ENTREP2: variants seen among roughly 807,000 people sequenced by gnomAD.
The protein encoded by ENTREP2 is endosomal transmembrane epsin interactor 2.
At chr15:29,552,073 C>G in the ENTREP2 span, among the ~76,000 whole-genome samples, 6 of 152,144 alleles carry the variant, frequency 3.9e-5, no homozygotes, top group Non-Finnish European at 7.4e-5. Flanking sequence ...CTAAATTGGA[C>G]AGCATGGAGT....
At chr15:29,383,501 G>C in the ENTREP2 span, among the ~76,000 whole-genome samples, 2 of 152,210 alleles carry the variant, frequency 1.3e-5, no homozygotes, top group Non-Finnish European at 2.9e-5. Flanking sequence ...CAGGTCTCCT[G>C]TGAAGACAAA....
At chr15:29,273,522 G>A in the ENTREP2 span, among the ~76,000 whole-genome samples, 5 of 152,204 alleles carry the variant, frequency 3.3e-5, no homozygotes, top group South Asian at 4.1e-4. Context: ...TCATAGGTTC[G>A]TGTGATGATT....
At chr15:29,279,598 C>T in the ENTREP2 span, among the ~76,000 whole-genome samples, 104 of 152,122 alleles carry the variant, frequency 6.8e-4, no homozygotes, top group Middle Eastern at 3.4e-3. Context: ...CTCTTGACCT[C>T]GTGATCCGCC....
the ENTREP2 span, among the ~76,000 whole-genome samples, chr15:29,653,685 T>C: frequency 6.6e-6 from 1 of 152,240 alleles, no homozygotes; most frequent in Non-Finnish European, 1.5e-5. Flanking sequence ...CCAGCCATGC[T>C]GAACTGTGAG....
At chr15:29,264,123 A>ACAGCCTGG in the ENTREP2 span, among the ~76,000 whole-genome samples, 74,255 of 139,138 alleles carry the variant, frequency 0.53, 20,635 homozygotes, top group South Asian at 0.63. Flanking sequence ...CCAATCCACT[A>ACAGCCTGG]CAGCCTGGGC....
chr15:29,448,402 C>T, the ENTREP2 span, among the ~76,000 whole-genome samples: 1 of 152,212 alleles, frequency 6.6e-6, no homozygotes. Context: ...CTGGAATTCA[C>T]CTACTTCCAG....
At chr15:29,371,072 C>T in the ENTREP2 span, among the ~76,000 whole-genome samples, 1 of 152,066 alleles carries the variant, frequency 6.6e-6, no homozygotes, top group Admixed American at 6.5e-5. Context: ...ATCATTTGCC[C>T]AGGACAGGCA....
At chr15:29,604,006 A>G in the ENTREP2 span, among the ~76,000 whole-genome samples, 1 of 152,184 alleles carries the variant, frequency 6.6e-6, no homozygotes, top group Non-Finnish European at 1.5e-5. Flanking sequence ...TATATGGTAG[A>G]TTTCTCACCA....
chr15:29,159,405 C>G, the ENTREP2 span, among the ~76,000 whole-genome samples: 2 of 152,110 alleles, frequency 1.3e-5, no homozygotes, highest in African/African-American at 4.8e-5. Context: ...TTGCAAACAG[C>G]ATAATAACAA....
chr15:29,140,624 C>A, the ENTREP2 span, among the ~76,000 whole-genome samples: 1 of 152,328 alleles, frequency 6.6e-6, no homozygotes, highest in East Asian at 1.9e-4. Flanking sequence ...CAGCTCCCCA[C>A]CTCCCTTTCA....
the ENTREP2 span, among the ~76,000 whole-genome samples, chr15:29,470,349 A>C: frequency 6.6e-6 from 1 of 152,144 alleles, no homozygotes; most frequent in Non-Finnish European, 1.5e-5. Flanking sequence ...CAAGGGCTAC[A>C]GGACACTCAT....
the ENTREP2 span, among the ~76,000 whole-genome samples, chr15:29,410,512 G>C: frequency 1.4e-4 from 22 of 151,864 alleles, no homozygotes; most frequent in African/African-American, 4.6e-4. Flanking sequence ...CTGCACTCCA[G>C]TCCCCTCAGG....
chr15:29,163,096 C>A, the ENTREP2 span, among the ~76,000 whole-genome samples: 3 of 152,148 alleles, frequency 2.0e-5, no homozygotes, highest in Non-Finnish European at 4.4e-5. Flanking sequence ...GAAGCCACCT[C>A]CATAGGAAAA....
the ENTREP2 span, among the ~76,000 whole-genome samples, chr15:29,601,893 T>C: frequency 6.6e-6 from 1 of 152,208 alleles, no homozygotes; most frequent in East Asian, 1.9e-4. Flanking sequence ...CACCAAGCAC[T>C]GCAGGTGTTG....
the ENTREP2 span, among the ~76,000 whole-genome samples, chr15:29,605,838 AG>A: frequency 6.6e-6 from 1 of 152,168 alleles, no homozygotes; most frequent in African/African-American, 2.4e-5. Flanking sequence ...CCATATCAAA[AG>A]AAAAAAATAA....
At chr15:29,220,272 C>T in the ENTREP2 span, among the ~76,000 whole-genome samples, 7 of 152,124 alleles carry the variant, frequency 4.6e-5, no homozygotes, top group African/African-American at 1.7e-4. Context: ...TCATTTAGCG[C>T]ATGTGAATTC....
At chr15:29,125,352 G>A in the ENTREP2 span, among the ~76,000 whole-genome samples, 3 of 152,190 alleles carry the variant, frequency 2.0e-5, no homozygotes, top group East Asian at 5.8e-4. Flanking sequence ...CTGGCAATGG[G>A]ATGCAGGAAG....
the ENTREP2 span, among the ~76,000 whole-genome samples, chr15:29,597,356 G>A: frequency 5.3e-5 from 8 of 151,790 alleles, no homozygotes; most frequent in African/African-American, 1.9e-4. Context: ...ATCAGCTGAG[G>A]TCAGGAGTTC....
At chr15:29,439,284 T>TACACACACAC in the ENTREP2 span, among the ~76,000 whole-genome samples, 186 of 97,106 alleles carry the variant, frequency 1.9e-3, 1 homozygote, top group Middle Eastern at 5.3e-3. Context: ...AAATTGGAAT[T>TACACACACAC]ACACACACAC....
Sources: allele counts gnomAD v4.1 joint callset (sites outside exome capture counted in the v4.1 genomes callset), GRCh38; gene constraint gnomAD v4.1.1; transcripts MANE v1.5; gene names NCBI Gene and HGNC (gene_info 2026-07-23, HGNC 2026-07-21).